ZNF343: variants seen among roughly 807,000 people sequenced by gnomAD.
ZNF343 encodes zinc finger protein 343.
ZNF343 carries 11 observed loss-of-function variants against 13.8 expected under a neutral mutation model. That is an observed-to-expected ratio of 0.80 (90% CI 0.50 to 1.32). The LOEUF is 1.32. Among genes scored for constraint, ZNF343 ranks in the 40% most tolerant of loss-of-function variants. The probability of loss-of-function intolerance (pLI) is 0.00; values close to 1 mark genes in which losing one functional copy is unlikely to be tolerated. For missense variants in ZNF343, 658 were observed against 714.2 expected, an observed-to-expected ratio of 0.92 and a Z score of 0.90; for synonymous variants, 248 against 260.0, an observed-to-expected ratio of 0.95 and a Z score of 0.44.
Position 2,491,559 on chromosome 20 carries a change from T to G in ZNF343, c.304+1140A>C, listed in dbSNP as rs6114533. On this transcript the variant is annotated intron_variant, in intron 5 of 5. Transcript: ENST00000278772. ...CTACAAGCTAAGAATGGTTTTTACA[T>G]TTTTAAATGGCTAGAAAAAAGTAAA... Among the ~76,000 whole-genome samples, 1,144 of 152,296 alleles carry G rather than the reference T, an allele frequency of 7.5e-3. 9 individuals carry two copies. The highest frequency in any genetic ancestry group is 0.026 in the African/African-American group (1,098 of 41,560).
chr20:2,513,891 C>T (rs1460171896), upstream of ZNF343, among the ~76,000 whole-genome samples: 1 of 152,206 alleles, frequency 6.6e-6, no homozygotes, highest in Non-Finnish European at 1.5e-5. Context: ...TACACTGTAT[C>T]ATTCCACTTA....
intron 5 of ZNF343, chr20:2,486,880 A>T (rs1263945896): frequency 3.9e-5 from 6 of 152,236 alleles, no homozygotes; most frequent in Admixed American, 3.9e-4. Flanking sequence ...TTGTCAATAG[A>T]GAAGGAGTTG....
chr20:2,509,683 A>G (rs1199465358), upstream of ZNF343, among the ~76,000 whole-genome samples: 1 of 152,180 alleles, frequency 6.6e-6, no homozygotes, highest in African/African-American at 2.4e-5. Context: ...AAATGTATAT[A>G]TTTTAAAACT....
intron 1 of ZNF343, among the ~76,000 whole-genome samples, chr20:2,519,579 TATGTGTGTGTGC>T (rs1246633682): frequency 2.6e-5 from 4 of 152,210 alleles, no homozygotes; most frequent in African/African-American, 9.6e-5. Context: ...TAAATCTCCA[TATGTGTGTGTGC>T]ATGTGTGTGT....
chr20:2,508,647 C>G lies in ZNF343; in HGVS notation c.-237+234G>C, dbSNP rs1048608361. Among the ~76,000 whole-genome samples the G allele has an allele frequency of 6.6e-6, 1 of 152,180 alleles. No individual in the cohort carries two copies. Among genetic ancestry groups the G allele is most frequent in the Admixed American group, 6.5e-5 (1 of 15,286 alleles). On this transcript the variant is annotated intron_variant, in intron 1 of 5. Coordinates refer to ENST00000278772, the MANE Select transcript of ZNF343 (RefSeq NM_024325.6). The surrounding 1 kb of genome is among the most constrained non-coding windows in gnomAD (Gnocchi z 4.5). Reference sequence around the variant, plus strand: ...GAGTTCTAGGTCACTCTCGTCCCCCCGGGGGGAAAAAAGGTCCGCGGAGGT... The same window carrying G: ...GAGTTCTAGGTCACTCTCGTCCCCCGGGGGGGAAAAAAGGTCCGCGGAGGT...
chr20:2,486,383 T>C (rs2085281930), intron 5 of ZNF343, among the ~76,000 whole-genome samples: 1 of 152,210 alleles, frequency 6.6e-6, no homozygotes, highest in East Asian at 1.9e-4. Flanking sequence ...TCATGCCCCT[T>C]TGCTATATAA....
rs1335096982 is a variant in ZNF343, at chr20:2,483,922, G to A, written c.1039C>T (p.His347Tyr). ...KSILNRHQWT[H>Y]SEEKPYVCSE... ...CAAACATAGGGCTTCTCCTCTGAGT[G>A]AGTCCACTGATGTCTATTGAGGATG... is the stretch of plus-strand genomic sequence containing the variant. The change falls in exon 6 of 6, where the codon CAC (histidine) becomes TAC (tyrosine). Residue 347 changes from histidine (H) to tyrosine (Y), a missense_variant. Physicochemically the swap from His to Tyr is moderately conservative, Grantham distance 83. Coordinates refer to ENST00000278772, the MANE Select transcript of ZNF343 (RefSeq NM_024325.6). The A allele has an allele frequency of 1.2e-6, 2 of 1,614,218 alleles. No homozygotes were observed. Among genetic ancestry groups the A allele is most frequent in the Non-Finnish European group, 1.7e-6 (2 of 1,180,044 alleles).
rs1229880226 is a variant in ZNF343, at chr20:2,518,019, CTT to C, written c.-347+6434_-347+6435del. ...TTTATTTTTTTTTCCTTTTTTCTCT[CTT>C]TTTTTTTTTCGAGACAGAGTCTCAC... is the stretch of plus-strand genomic sequence containing the variant. On this transcript the variant is annotated intron_variant, in intron 1 of 6. Coordinates refer to the ZNF343 transcript ENST00000358413. The surrounding 1 kb of genome is among the most constrained non-coding windows in gnomAD (Gnocchi z 4.6). Among the ~76,000 whole-genome samples the C allele has an allele frequency of 1.4e-5, 2 of 144,110 alleles. No individual in the cohort carries two copies. Among genetic ancestry groups the C allele is most frequent in the African/African-American group, 5.1e-5 (2 of 39,454 alleles). The allele number at this position is 144,110 out of a possible 152,430, so 94.5% of individuals were successfully genotyped here. A position where few individuals can be genotyped will look rare whatever the true frequency, so the allele number is the denominator to read the frequency against.
At chr20:2,510,559 GGCCGTTGTGA>G, upstream of ZNF343, among the ~76,000 whole-genome samples, 1 of 152,274 alleles carries the variant, frequency 6.6e-6, no homozygotes, top group African/African-American at 2.4e-5. Context: ...ATGGCCCCAA[GGCCGTTGTGA>G]GCCAGGAGAC....
At chr20:2,522,330 G>C (rs1202915853) in intron 1 of ZNF343, among the ~76,000 whole-genome samples, 2 of 152,172 alleles carry the variant, frequency 1.3e-5, no homozygotes, top group Admixed American at 1.3e-4. Context: ...AGTTTCCTTA[G>C]AGGGGAATGT....
Position 2,487,751 on chromosome 20 carries a change from C to T in ZNF343, c.305-3095G>A, listed in dbSNP as rs560900697. ...TCGTTACATGTTGCCAAATTTCCCTCCATAATGGCTGCAGCATTTCTGCAT... is the reference window on the plus strand; with the variant it reads ...TCGTTACATGTTGCCAAATTTCCCTTCATAATGGCTGCAGCATTTCTGCAT... On this transcript the variant is annotated intron_variant, in intron 5 of 5. Transcript: ENST00000278772. Among the ~76,000 whole-genome samples the T allele has an allele frequency of 4.6e-5, 7 of 152,358 alleles. 1 individual carries two copies. In the South Asian group the frequency reaches 1.5e-3, roughly 32 times the overall value.
intron 1 of ZNF343, among the ~76,000 whole-genome samples, chr20:2,520,313 A>T (rs2085776958): frequency 6.6e-6 from 1 of 152,128 alleles, no homozygotes; most frequent in Non-Finnish European, 1.5e-5. Context: ...GTGATTTTGA[A>T]CTTGACTTCC....
Position 2,492,837 on chromosome 20 carries a change from C to G in ZNF343, c.178-12G>C. The G allele has an allele frequency of 6.2e-7, 1 of 1,612,088 alleles. No individual in the cohort carries two copies. Among genetic ancestry groups the G allele is most frequent in the Non-Finnish European group, 8.5e-7 (1 of 1,179,946 alleles). On this transcript the variant is annotated splice_polypyrimidine_tract_variant and intron_variant, in intron 4 of 5. Coordinates refer to ENST00000278772, the MANE Select transcript of ZNF343 (RefSeq NM_024325.6). Reference sequence around the variant, plus strand: ...AATGTAACTGGTACCTACAAACAACCAGTAAATTAATGTATAGCAAGCCAC... The same window carrying G: ...AATGTAACTGGTACCTACAAACAACGAGTAAATTAATGTATAGCAAGCCAC...
rs536686213 is a variant in ZNF343 at position 2,518,920 on chromosome 20, A to G, written c.-347+5535T>C. ...GTCCTCATGATAGTGAGTTCTCACA[A>G]GATCTGATGGTTTAAAAGTGTTTGG... is the stretch of plus-strand genomic sequence containing the variant. On this transcript the variant is annotated intron_variant, in intron 1 of 6. Transcript: ENST00000358413. The surrounding 1 kb of genome is among the most constrained non-coding windows in gnomAD (Gnocchi z 4.6). 6.6e-6 allele frequency among the ~76,000 whole-genome samples: 1 copy of G among 152,206 alleles called. No homozygotes were observed. Among genetic ancestry groups the G allele is most frequent in the Non-Finnish European group, 1.5e-5 (1 of 68,042 alleles).
chr20:2,498,760 C>T (rs1157208862), intron 2 of ZNF343, among the ~76,000 whole-genome samples: 1 of 152,174 alleles, frequency 6.6e-6, no homozygotes, highest in Non-Finnish European at 1.5e-5. Flanking sequence ...CTATTATTTT[C>T]TCCATTATAC....
chr20:2,499,151 A>G (rs1389420505), intron 2 of ZNF343, among the ~76,000 whole-genome samples: 1 of 146,952 alleles, frequency 6.8e-6, no homozygotes, highest in Non-Finnish European at 1.5e-5. Flanking sequence ...GAGTTTGGAC[A>G]GAGTTGGAGG....
At chr20:2,486,593 C>G (rs112336576) in intron 5 of ZNF343, 1 of 152,008 alleles carries the variant, frequency 6.6e-6, no homozygotes, top group South Asian at 2.1e-4. Context: ...GTGGAGAAAC[C>G]CCATCTCTAC....
upstream of ZNF343, among the ~76,000 whole-genome samples, chr20:2,512,725 T>G (rs147087733): frequency 4.0e-3 from 606 of 152,250 alleles, 3 homozygotes; most frequent in Middle Eastern, 0.01. Context: ...TAAGGGTTAA[T>G]TTTCATTACC....
At chr20:2,511,170 G>A (rs947990787), upstream of ZNF343, among the ~76,000 whole-genome samples, 2 of 151,032 alleles carry the variant, frequency 1.3e-5, no homozygotes, top group Non-Finnish European at 2.9e-5. Flanking sequence ...AGAGTGCGGT[G>A]GCATGATCAC....
Sources: gnomAD v4.1 joint callset for allele counts (sites outside exome capture counted in the v4.1 genomes callset) on GRCh38, gnomAD v4.1.1 for gene constraint, Gnocchi (gnomAD v3.1) non-coding constraint, MANE v1.5 for transcripts, NCBI Gene and HGNC (gene_info 2026-07-23, HGNC 2026-07-21) for gene names.